The following DHCR24 variants were observed in gnomAD, a reference collection of about 807,000 sequenced individuals.
DHCR24 encodes the protein delta(24)-sterol reductase.
In DHCR24, 28 loss-of-function variants were observed where a neutral mutation model predicts 61.2. That is an observed-to-expected ratio of 0.46 (90% CI 0.34 to 0.63). DHCR24 has a LOEUF of 0.63. Among genes scored for constraint, DHCR24 ranks in the 20% least tolerant of loss-of-function variants. DHCR24 has a pLI of 0.01. For missense variants in DHCR24, 538 were observed against 679.1 expected (o/e 0.79, Z 2.31); for synonymous variants, 261 against 275.9 (o/e 0.95, Z 0.54).
intron 6 of DHCR24, among the ~76,000 whole-genome samples, chr1:54,860,364 T>C (rs1046373446): frequency 6.6e-6 from 1 of 152,102 alleles, no homozygotes; most frequent in African/African-American, 2.4e-5. Flanking sequence ...CCATTCTCAG[T>C]CTCTTCTCTG....
chr1:54,876,185 T>A, intron 2 of DHCR24, 138 bp from the exon 3 acceptor site: 1 of 705,792 alleles, frequency 1.4e-6, no homozygotes, highest in Non-Finnish European at 2.6e-6. Flanking sequence ...TACAGGCTCT[T>A]TCTAGAACAT....
chr1:54,869,304 T>C (rs1646984158), intron 5 of DHCR24, among the ~76,000 whole-genome samples: 1 of 152,196 alleles, frequency 6.6e-6, no homozygotes, highest in African/African-American at 2.4e-5. Flanking sequence ...TTACTACAAG[T>C]AGGCATAAAC....
chr1:54,871,213 CCTG>C, intron 5 of DHCR24, 134 bp downstream of exon 5: 2 of 939,124 alleles, frequency 2.1e-6, no homozygotes, highest in Non-Finnish European at 3.3e-6. Flanking sequence ...GATCCTGTTG[CCTG>C]TACCCCAGGT....
intron 5 of DHCR24, among the ~76,000 whole-genome samples, chr1:54,870,975 C>T (rs745446710): frequency 6.6e-6 from 1 of 152,178 alleles, no homozygotes; most frequent in Admixed American, 6.5e-5. Flanking sequence ...ATCGATTACT[C>T]GAATCTTGTG....
intron 5 of DHCR24, among the ~76,000 whole-genome samples, chr1:54,865,738 A>G (rs759339231): frequency 3.3e-5 from 5 of 152,146 alleles, no homozygotes; most frequent in Admixed American, 3.3e-4. Flanking sequence ...CAAGTGTTTA[A>G]CAGAGTTAAA....
At chr1:54,854,658 G>C (rs930965952) in intron 6 of DHCR24, among the ~76,000 whole-genome samples, 2 of 152,202 alleles carry the variant, frequency 1.3e-5, no homozygotes, top group African/African-American at 4.8e-5. Flanking sequence ...GAATGCTGTT[G>C]AATGAGCATA....
chr1:54,852,222 C>T lies in DHCR24; in HGVS notation c.*11G>A, dbSNP rs1343279232. The T allele has an allele frequency of 6.2e-6, 10 of 1,613,972 alleles. No homozygotes were observed. The highest frequency in any genetic ancestry group is 4.5e-5 in the East Asian group (2 of 44,882). On this transcript the variant is annotated 3_prime_UTR_variant, in exon 9 of 9. Transcript: ENST00000371269. ...ACTCACACGTGTCTGTCTCTCCAGGCGGGCTCCAGCTCAGTGCCTGGCGGC... is the reference window on the plus strand; with the variant it reads ...ACTCACACGTGTCTGTCTCTCCAGGTGGGCTCCAGCTCAGTGCCTGGCGGC...
chr1:54,854,647 C>T (rs1215859031), intron 6 of DHCR24, among the ~76,000 whole-genome samples: 4 of 152,296 alleles, frequency 2.6e-5, no homozygotes, highest in East Asian at 1.9e-4. Context: ...GTTTGAGAAA[C>T]GAATGCTGTT....
intron 5 of DHCR24, 65 bp from the exon 6 acceptor site, chr1:54,865,511 A>G: frequency 1.2e-6 from 2 of 1,602,438 alleles, no homozygotes; most frequent in Admixed American, 1.7e-5. Flanking sequence ...GGGGTGTAAC[A>G]GCGACACCCG....
rs367810971 is a variant in DHCR24 at position 54,883,584 on chromosome 1, C to A, written c.387+34G>T. ...ACTTGCACCAGGGGCAGTGCCCCACCTGCTCCCAGAGCCCGGAAAAGTGCT... is the reference window on the plus strand; with the variant it reads ...ACTTGCACCAGGGGCAGTGCCCCACATGCTCCCAGAGCCCGGAAAAGTGCT... On this transcript the variant is annotated intron_variant, in intron 2 of 8. Transcript: ENST00000371269. The surrounding 1 kb of genome is among the most constrained non-coding windows in gnomAD (Gnocchi z 4.3). 2.9e-5 allele frequency: 46 copies of A among 1,613,904 alleles called. No individual in the cohort carries two copies. Among genetic ancestry groups the A allele is most frequent in the Non-Finnish European group, 3.7e-5 (44 of 1,179,938 alleles).
In DHCR24 at chr1:54,887,192, C is replaced by T; in HGVS notation, c.-73G>A. ...TGCCGCCAGCTCCGCGCCTGGCCCG[C>T]TCTGCGCCTGTAGCCCACAGCCCGG... On this transcript the variant is annotated 5_prime_UTR_variant, in exon 1 of 9. Coordinates refer to ENST00000371269, the MANE Select transcript of DHCR24 (RefSeq NM_014762.4). The T allele has an allele frequency of 2.2e-6, 3 of 1,353,392 alleles. No homozygotes were observed. Among genetic ancestry groups the T allele is most frequent in the East Asian group, 2.6e-5 (1 of 39,010 alleles). The allele number at this position is 1,353,392 out of a possible 1,614,324, so 83.8% of individuals were successfully genotyped here.
chr1:54,886,365 G>A (rs1364236257), intron 1 of DHCR24, among the ~76,000 whole-genome samples: 2 of 152,134 alleles, frequency 1.3e-5, no homozygotes, highest in African/African-American at 4.8e-5. Context: ...AATCAAAAGC[G>A]TCTTGCTGTA....
intron 2 of DHCR24, among the ~76,000 whole-genome samples, chr1:54,878,502 G>A (rs1570200494): frequency 1.1e-5 from 1 of 88,878 alleles, no homozygotes; most frequent in African/African-American, 4.4e-5. Flanking sequence ...CAACAAGAGT[G>A]AAACTCTGTC....
Position 54,886,927 on chromosome 1 carries a change from G to C in DHCR24, c.193C>G (p.Arg65Gly). Reference protein sequence around the residue: ...WVVFKLSSAPRLHEQRVRDIQ... With the variant: ...WVVFKLSSAPGLHEQRVRDIQ... ...TCCCGCACGCGCTGCTCGTGCAGGC[G>C]CGGAGCGCTGCTGAGCTTGAACACC... Residue 65 changes from arginine to glycine, a missense_variant, in exon 1 of 9, where the codon CGC becomes GGC. Arg to Gly is a moderately radical substitution (Grantham distance 125). Coordinates refer to ENST00000371269, the MANE Select transcript of DHCR24 (RefSeq NM_014762.4). 1 of 1,613,400 alleles carries C rather than the reference G, an allele frequency of 6.2e-7. No homozygotes were observed. Among genetic ancestry groups the C allele is most frequent in the Non-Finnish European group, 8.5e-7 (1 of 1,179,618 alleles).
intron 3 of DHCR24, 103 bp from the exon 4 acceptor site, chr1:54,875,314 G>T: frequency 1.0e-6 from 1 of 982,884 alleles, no homozygotes; most frequent in Admixed American, 1.7e-5. Flanking sequence ...GGTTTGGCAG[G>T]CTAGCAGAAA....
At chr1:54,886,569 T>C (rs949270646) in intron 1 of DHCR24, 2 of 1,369,066 alleles carry the variant, frequency 1.5e-6, no homozygotes, top group Non-Finnish European at 1.9e-6. Flanking sequence ...CAGCTCCACC[T>C]CCCGGAAGCC....
chr1:54,856,003 C>G (rs1013204954), intron 6 of DHCR24, among the ~76,000 whole-genome samples: 11 of 148,458 alleles, frequency 7.4e-5, no homozygotes, highest in Non-Finnish European at 1.5e-4. Flanking sequence ...TGGGGGACAT[C>G]TGATACGGAG....
intron 1 of DHCR24, among the ~76,000 whole-genome samples, chr1:54,884,077 T>C (rs946111226): frequency 2.0e-5 from 3 of 152,222 alleles, no homozygotes; most frequent in African/African-American, 4.8e-5. Flanking sequence ...ATGGTGATAA[T>C]AGCAAGTATA....
intron 2 of DHCR24, among the ~76,000 whole-genome samples, chr1:54,876,940 T>C (rs1421791381): frequency 6.6e-6 from 1 of 151,784 alleles, no homozygotes; most frequent in East Asian, 2.0e-4. Context: ...AATCAATATA[T>C]GTAAGAAGTA....
Sources: gnomAD v4.1 joint callset for allele counts (sites outside exome capture counted in the v4.1 genomes callset) on GRCh38, gnomAD v4.1.1 for gene constraint, Gnocchi (gnomAD v3.1) non-coding constraint, MANE v1.5 for transcripts, NCBI Gene and HGNC (gene_info 2026-07-23, HGNC 2026-07-21) for gene names.